Variants in TRPM3 observed in about 807,000 individuals in gnomAD.
TRPM3 encodes the protein transient receptor potential cation channel subfamily M member 3.
In TRPM3, 77 loss-of-function variants were observed where a neutral mutation model predicts 181.2. The ratio of observed to expected loss-of-function variants is 0.42; its 90% CI spans 0.35 to 0.51. The LOEUF is 0.51. TRPM3 is among the 20% of genes least tolerant of loss of function. TRPM3 has a pLI of 0.01. For missense variants in TRPM3, 1,759 were observed against 2,196.7 expected, an observed-to-expected ratio of 0.80 and a Z score of 3.98; for synonymous variants, 745 against 796.4, an observed-to-expected ratio of 0.94 and a Z score of 1.09.
intron 1 of TRPM3, among the ~76,000 whole-genome samples, chr9:71,425,927 T>C (rs1249876062): frequency 6.6e-6 from 1 of 152,130 alleles, no homozygotes; most frequent in South Asian, 2.1e-4. Context: ...TGTTGCTCCC[T>C]CTACCTGGAA....
chr9:71,096,352 G>A (rs901538252), intron 1 of TRPM3, among the ~76,000 whole-genome samples: 1 of 150,188 alleles, frequency 6.7e-6, no homozygotes, highest in Non-Finnish European at 1.5e-5. Context: ...AAGGAACAAG[G>A]TAATCATGTC....
intron 1 of TRPM3, among the ~76,000 whole-genome samples, chr9:71,277,395 T>C (rs185450338): frequency 5.3e-5 from 8 of 152,338 alleles, no homozygotes; most frequent in Admixed American, 1.3e-4. Flanking sequence ...TTTTTCCCTA[T>C]GTAGGCTATA....
intron 1 of TRPM3, among the ~76,000 whole-genome samples, chr9:71,048,207 T>G (rs1431332693): frequency 6.6e-6 from 1 of 152,154 alleles, no homozygotes; most frequent in Non-Finnish European, 1.5e-5. Flanking sequence ...TTTTCATCAT[T>G]CCATCCCCTA....
intron 1 of TRPM3, among the ~76,000 whole-genome samples, chr9:71,199,979 G>C (rs1444851002): frequency 6.6e-6 from 1 of 152,094 alleles, no homozygotes. Flanking sequence ...TGTCAATTTT[G>C]GATGTTTCCT....
At chr9:71,035,193 C>T (rs916755097) in intron 1 of TRPM3, among the ~76,000 whole-genome samples, 1 of 152,176 alleles carries the variant, frequency 6.6e-6, no homozygotes, top group African/African-American at 2.4e-5. Flanking sequence ...ATTCAGCCAA[C>T]TGCACTCATC....
intron 1 of TRPM3, among the ~76,000 whole-genome samples, chr9:71,373,733 G>GA (rs931309942): frequency 2.3e-4 from 35 of 149,730 alleles, no homozygotes; most frequent in Non-Finnish European, 2.4e-4. Flanking sequence ...ACTGAAATTA[G>GA]AAAAAAAAAT....
chr9:70,667,761 G>C (rs2062047567), intron 9 of TRPM3, among the ~76,000 whole-genome samples: 1 of 152,056 alleles, frequency 6.6e-6, no homozygotes, highest in Non-Finnish European at 1.5e-5. Flanking sequence ...TTAATATTCA[G>C]GTTTGTTTTC....
At chr9:70,632,783 T>G (rs531540744) in intron 12 of TRPM3, among the ~76,000 whole-genome samples, 1 of 152,322 alleles carries the variant, frequency 6.6e-6, no homozygotes, top group South Asian at 2.1e-4. Flanking sequence ...CTGTTCTTTC[T>G]TGTTAGTCTA....
intron 1 of TRPM3, among the ~76,000 whole-genome samples, chr9:71,351,063 T>C (rs916093794): frequency 6.6e-6 from 1 of 152,210 alleles, no homozygotes; most frequent in African/African-American, 2.4e-5. Context: ...CAGGATCTGA[T>C]TGGGTGATCT....
At chr9:71,212,379 C>A (rs1440704252) in intron 1 of TRPM3, among the ~76,000 whole-genome samples, 1 of 152,154 alleles carries the variant, frequency 6.6e-6, no homozygotes, top group Non-Finnish European at 1.5e-5. Context: ...TTAATTTAGA[C>A]TCCTGACTAA....
intron 1 of TRPM3, among the ~76,000 whole-genome samples, chr9:71,069,725 C>T (rs953592463): frequency 6.6e-6 from 1 of 151,598 alleles, no homozygotes; most frequent in Non-Finnish European, 1.5e-5. Flanking sequence ...TCTCCTGCCT[C>T]AGCCTCCCAA....
At chr9:70,970,649 C>T (rs1316943350) in intron 1 of TRPM3, among the ~76,000 whole-genome samples, 2 of 152,030 alleles carry the variant, frequency 1.3e-5, no homozygotes, top group African/African-American at 4.8e-5. Flanking sequence ...ACTATATTTA[C>T]TGCAATAAAC....
At chr9:71,311,288 C>G (rs1236547425) in intron 1 of TRPM3, among the ~76,000 whole-genome samples, 2 of 152,128 alleles carry the variant, frequency 1.3e-5, no homozygotes, top group Non-Finnish European at 2.9e-5. Context: ...CTAATTTTAA[C>G]ATGAGAGCAA....
At chr9:71,083,592 A>T (rs1247010009) in intron 1 of TRPM3, among the ~76,000 whole-genome samples, 1 of 151,924 alleles carries the variant, frequency 6.6e-6, no homozygotes, top group Non-Finnish European at 1.5e-5. Flanking sequence ...TATATTCCTT[A>T]TTTTTAATGA....
At chr9:71,096,626 C>CTCTCTCTCTCTCTCTCT (rs2067322862) in intron 1 of TRPM3, among the ~76,000 whole-genome samples, 2 of 114,658 alleles carry the variant, frequency 1.7e-5, no homozygotes, top group African/African-American at 8.1e-5. Flanking sequence ...TCTCTCTCTC[C>CTCTCTCTCTCTCTCTCT]CCCTCTCCCT....
At chr9:71,146,766 A>T (rs7031122) in intron 1 of TRPM3, among the ~76,000 whole-genome samples, 14,794 of 152,128 alleles carry the variant, frequency 0.097, 850 homozygotes, top group African/African-American at 0.15. Flanking sequence ...CTTCTTGAAG[A>T]TCTCAGCAGC....
At chr9:71,399,516 A>AT (rs2093283517) in intron 1 of TRPM3, among the ~76,000 whole-genome samples, 1 of 114,244 alleles carries the variant, frequency 8.8e-6, no homozygotes, top group Non-Finnish European at 1.8e-5. Context: ...TACTCCTTAT[A>AT]TTTTCTTTTG....
Position 71,035,588 on chromosome 9 carries a change from A to T in TRPM3, c.177+85590T>A, listed in dbSNP as rs369137301. ...AAAAATTAGCCAGGCTTGATAGCAC[A>T]TGCCTGTAATCCCAGCTACTCAGGA... On this transcript the variant is annotated intron_variant, in intron 1 of 25. Coordinates refer to ENST00000677713, the MANE Select transcript of TRPM3 (RefSeq NM_001366145.2). Among the ~76,000 whole-genome samples, 81 of 152,200 alleles carry T rather than the reference A, an allele frequency of 5.3e-4. 2 individuals are homozygous for T. In the East Asian group the frequency reaches 0.014, roughly 26 times the overall value.
At chr9:70,893,786 G>C (rs1405411396) in intron 1 of TRPM3, among the ~76,000 whole-genome samples, 3 of 152,230 alleles carry the variant, frequency 2.0e-5, no homozygotes. Flanking sequence ...ATTAGAAAAG[G>C]ATTACATCAG....
Sources: gnomAD v4.1 joint callset for allele counts (sites outside exome capture counted in the v4.1 genomes callset) on GRCh38, gnomAD v4.1.1 for gene constraint, MANE v1.5 for transcripts, NCBI Gene and HGNC (gene_info 2026-07-23, HGNC 2026-07-21) for gene names.